ABL1: variants seen among roughly 807,000 people sequenced by gnomAD.
ABL1 encodes the protein ABL proto-oncogene 1, non-receptor tyrosine kinase, also known as tyrosine-protein kinase ABL1.
In ABL1, 11 loss-of-function variants were observed where a neutral mutation model predicts 94.7. The ratio of observed to expected loss-of-function variants is 0.12; its 90% CI spans 0.07 to 0.19. The LOEUF (loss-of-function observed/expected upper bound fraction) is 0.19. Ranked by LOEUF, ABL1 falls within the 10% of genes least tolerant of loss-of-function variation. The probability of loss-of-function intolerance (pLI) is 1.00; values close to 1 mark genes in which losing one functional copy is unlikely to be tolerated. For missense variants in ABL1, 1,082 were observed against 1,489.4 expected (o/e 0.73, Z 4.50); for synonymous variants, 656 against 622.4 (o/e 1.05, Z -0.80).
chr9:130,852,870 A>T (rs1207613992), intron 1 of ABL1, among the ~76,000 whole-genome samples: 2 of 152,222 alleles, frequency 1.3e-5, no homozygotes, highest in Non-Finnish European at 2.9e-5. Context: ...AGGTTAAAAA[A>T]AAAAATTTAC....
rs144967043 is a variant in ABL1, at chr9:130,802,308, G to A, written c.137-51756G>A. On this transcript the variant is annotated intron_variant, in intron 1 of 10. Transcript: ENST00000372348. ...AGAGTCTTGCCATGTTGCCCAGGCT[G>A]GTCTTGAACTCCTGGGCTCAAGCAA... is the stretch of plus-strand genomic sequence containing the variant. 4.7e-3 allele frequency among the ~76,000 whole-genome samples: 711 copies of A among 152,078 alleles called. 8 individuals are homozygous for A. Among genetic ancestry groups the A allele is most frequent in the African/African-American group, 0.017 (691 of 41,496 alleles).
intron 1 of ABL1, among the ~76,000 whole-genome samples, chr9:130,773,175 C>T (rs1030029587): frequency 6.6e-6 from 1 of 151,992 alleles, no homozygotes; most frequent in Admixed American, 6.6e-5. Flanking sequence ...ACAAAATTAG[C>T]CGGGCATGGT....
chr9:130,745,121 G>C (rs1044371300), intron 1 of ABL1, among the ~76,000 whole-genome samples: 1 of 133,418 alleles, frequency 7.5e-6, no homozygotes, highest in Non-Finnish European at 1.6e-5. Flanking sequence ...TTTTGCTCTT[G>C]TTGCCCAGGC....
intron 1 of ABL1, among the ~76,000 whole-genome samples, chr9:130,735,504 CT>C (rs1831723481): frequency 6.7e-6 from 1 of 149,666 alleles, no homozygotes; most frequent in African/African-American, 2.5e-5. Context: ...TTCCAGTGTT[CT>C]TTTTTGCAAA....
chr9:130,885,166 T>C lies in ABL1; in HGVS notation c.2876T>C (p.Val959Ala). 2 of 1,613,274 alleles carry C rather than the reference T, an allele frequency of 1.2e-6. No homozygotes were observed. The highest frequency in any genetic ancestry group is 1.6e-4 in the Middle Eastern group (1 of 6,062). Residue 959 changes from valine to alanine, a missense_variant, in exon 11 of 11, where the codon GTG becomes GCG. By Grantham distance (64) the Val-to-Ala change is moderately conservative. Transcript: ENST00000318560. ...CCGGGAGAGGGCCTCAAAAAGCCCG[T>C]GCTCCCGGCCACTCCAAAGCCACAG... The part of the protein sequence containing the change: ...SQPGEGLKKP[V>A]LPATPKPQSA...
chr9:130,853,322 C>T (rs932098603), intron 1 of ABL1, among the ~76,000 whole-genome samples: 25 of 150,530 alleles, frequency 1.7e-4, no homozygotes, highest in African/African-American at 6.1e-4. Context: ...ACTACAGGCA[C>T]CTGCCACCAT....
chr9:130,854,371 T>G, intron 2 of ABL1, 134 bp downstream of exon 2: 4 of 1,017,412 alleles, frequency 3.9e-6, no homozygotes, highest in Non-Finnish European at 5.7e-6. Flanking sequence ...AAACAACAAC[T>G]GCATGTTTCT....
intron 1 of ABL1, among the ~76,000 whole-genome samples, chr9:130,794,511 G>C (rs1206759749): frequency 6.6e-6 from 1 of 152,186 alleles, no homozygotes; most frequent in African/African-American, 2.4e-5. Context: ...TTGAAGGCCA[G>C]ATTTTATCAA....
At chr9:130,868,520 C>CTTTTTTTT (rs71389371) in intron 4 of ABL1, among the ~76,000 whole-genome samples, 10 of 112,108 alleles carry the variant, frequency 8.9e-5, no homozygotes, top group Non-Finnish European at 1.7e-4. Context: ...TTTTCTTTTT[C>CTTTTTTTT]TTTTTTTTTT....
intron 1 of ABL1, among the ~76,000 whole-genome samples, chr9:130,751,854 T>G (rs1287379311): frequency 6.6e-6 from 1 of 152,262 alleles, no homozygotes; most frequent in East Asian, 1.9e-4. Context: ...TTTCCAAATC[T>G]CATGTAATTG....
intron 1 of ABL1, among the ~76,000 whole-genome samples, chr9:130,836,364 A>G (rs1830583845): frequency 6.6e-6 from 1 of 152,190 alleles, no homozygotes; most frequent in Non-Finnish European, 1.5e-5. Flanking sequence ...GAAAAAAAGT[A>G]AATTAAGGGT....
chr9:130,733,841 C>T (rs752531594), intron 1 of ABL1, among the ~76,000 whole-genome samples: 36 of 151,996 alleles, frequency 2.4e-4, no homozygotes, highest in Non-Finnish European at 3.8e-4. Context: ...CCGCCCGCCT[C>T]GGCCTCCCAA....
intron 1 of ABL1, among the ~76,000 whole-genome samples, chr9:130,759,238 T>C (rs1471054101): frequency 6.6e-6 from 1 of 152,204 alleles, no homozygotes; most frequent in Non-Finnish European, 1.5e-5. Flanking sequence ...GCAACTTCTT[T>C]TATGGTTGTA....
Position 130,885,567 on chromosome 9 carries a change from A to G in ABL1, c.3277A>G (p.Asn1093Asp). The G allele has an allele frequency of 6.2e-7, 1 of 1,614,014 alleles. No individual in the cohort carries two copies. ...FREAINKLENNLRELQICPAT... is the reference protein window; with the variant it reads ...FREAINKLENDLRELQICPAT... ...AGAGGCCATCAACAAACTGGAGAATAATCTCCGGGAGCTTCAGATCTGCCC... is the reference window on the plus strand; with the variant it reads ...AGAGGCCATCAACAAACTGGAGAATGATCTCCGGGAGCTTCAGATCTGCCC... Residue 1093 changes from asparagine (N) to aspartate (D), a missense_variant, in exon 11 of 11, where the codon AAT (asparagine) becomes GAT (aspartate). Transcript: ENST00000318560.
intron 7 of ABL1, among the ~76,000 whole-genome samples, chr9:130,876,729 G>GTTTTTTTTTTTTT (rs1169956131): frequency 8.7e-6 from 1 of 115,360 alleles, no homozygotes; most frequent in African/African-American, 3.4e-5. Context: ...CCACAAGTTG[G>GTTTTTTTTTTTTT]TTTCTTTTTT....
At position 130,760,181 on chromosome 9, in the gene ABL1, G is replaced by C. The variant is rs557935286; in HGVS notation, c.136+45726G>C. ...TTATGCTTGGGTCACAGACCAATTTGGGTTAACTTTGCCATTGCCTTGCCT... is the reference window on the plus strand; with the variant it reads ...TTATGCTTGGGTCACAGACCAATTTCGGTTAACTTTGCCATTGCCTTGCCT... On this transcript the variant is annotated intron_variant, in intron 1 of 10. Coordinates refer to the ABL1 transcript ENST00000372348. Among the ~76,000 whole-genome samples the C allele has an allele frequency of 2.0e-5, 3 of 151,992 alleles. No individual in the cohort carries two copies. The East Asian group carries it at 5.8e-4, about 29-fold the overall frequency.
chr9:130,777,029 C>T (rs1242112918), intron 1 of ABL1, among the ~76,000 whole-genome samples: 1 of 152,102 alleles, frequency 6.6e-6, no homozygotes, highest in African/African-American at 2.4e-5. Flanking sequence ...TTTTTAACTA[C>T]CACAGCTCTT....
intron 1 of ABL1, among the ~76,000 whole-genome samples, chr9:130,822,090 G>C (rs540618593): frequency 6.6e-6 from 1 of 151,730 alleles, no homozygotes; most frequent in Non-Finnish European, 1.5e-5. Context: ...TGCCTGCCTC[G>C]GCCTCCCAAA....
chr9:130,883,495 C>CA (rs796536168), intron 10 of ABL1, among the ~76,000 whole-genome samples: 19,335 of 122,076 alleles, frequency 0.16, 1,648 homozygotes, highest in African/African-American at 0.28. Flanking sequence ...GACTCCAACT[C>CA]AAAAAAAAAA....
Sources: gnomAD v4.1 joint callset for allele counts (sites outside exome capture counted in the v4.1 genomes callset) on GRCh38, gnomAD v4.1.1 for gene constraint, MANE v1.5 for transcripts, NCBI Gene and HGNC (gene_info 2026-07-23, HGNC 2026-07-21) for gene names.